PHLDB2: variants seen among roughly 807,000 people sequenced by gnomAD.
PHLDB2 encodes pleckstrin homology like domain family B member 2.
In PHLDB2, 71 loss-of-function variants were observed where a neutral mutation model predicts 123.6. That is an observed-to-expected ratio of 0.57 (90% CI 0.47 to 0.70). The LOEUF is 0.70. Among genes scored for constraint, PHLDB2 ranks in the 30% least tolerant of loss-of-function variants. The pLI, the probability that PHLDB2 is intolerant of heterozygous loss-of-function variation, is 0.00. For synonymous variants in PHLDB2, 547 were observed against 541.6 expected, an observed-to-expected ratio of 1.01 and a Z score of -0.14; for missense variants, 1,446 against 1,519.5, an observed-to-expected ratio of 0.95 and a Z score of 0.80.
At chr3:111,919,623 C>T (rs1381832910) in intron 4 of PHLDB2, among the ~76,000 whole-genome samples, 1 of 152,222 alleles carries the variant, frequency 6.6e-6, no homozygotes, top group Non-Finnish European at 1.5e-5. Flanking sequence ...GAAATTCACA[C>T]ACGGATCAAA....
chr3:111,734,086 C>A (rs1941599262), intron 1 of PHLDB2, among the ~76,000 whole-genome samples: 1 of 152,098 alleles, frequency 6.6e-6, no homozygotes, highest in South Asian at 2.1e-4. Context: ...TAGACATAAA[C>A]CCTTGTGTGA....
intron 1 of PHLDB2, among the ~76,000 whole-genome samples, chr3:111,790,648 C>T (rs976560631): frequency 6.6e-6 from 1 of 152,090 alleles, no homozygotes; most frequent in Non-Finnish European, 1.5e-5. Context: ...ATGAGGTGAG[C>T]GCAGTGCAAG....
chr3:111,876,278 C>G (rs2065614452), intron 1 of PHLDB2, among the ~76,000 whole-genome samples: 1 of 152,072 alleles, frequency 6.6e-6, no homozygotes, highest in South Asian at 2.1e-4. Context: ...TGGCTTGACC[C>G]CTACCTGTGT....
chr3:111,961,873 A>G (rs1223896988), intron 12 of PHLDB2: 8 of 501,580 alleles, frequency 1.6e-5, no homozygotes, highest in Non-Finnish European at 2.4e-5. Flanking sequence ...ATGCCATAGG[A>G]AAGTGTCAAG....
At chr3:111,896,773 CCAAAA>C (rs1171644034) in intron 2 of PHLDB2, among the ~76,000 whole-genome samples, 2 of 148,058 alleles carry the variant, frequency 1.4e-5, no homozygotes, top group Non-Finnish European at 3.0e-5. Context: ...AAAAAAAAAT[CCAAAA>C]CAAGCATTAC....
chr3:111,966,122 A>G (rs2071733675), intron 13 of PHLDB2, among the ~76,000 whole-genome samples: 1 of 152,224 alleles, frequency 6.6e-6, no homozygotes, highest in Admixed American at 6.5e-5. Context: ...AAAGTAGCTC[A>G]TAATACATAT....
chr3:111,897,984 TA>T (rs1375238382), intron 2 of PHLDB2, among the ~76,000 whole-genome samples: 1 of 152,238 alleles, frequency 6.6e-6, no homozygotes. Context: ...GCATTATGTA[TA>T]AAAATGTACA....
chr3:111,918,665 C>T (rs1334247339), intron 3 of PHLDB2, among the ~76,000 whole-genome samples: 3 of 152,208 alleles, frequency 2.0e-5, no homozygotes, highest in Admixed American at 6.5e-5. Flanking sequence ...TTGTAATAAC[C>T]ATAGCATCAT....
chr3:111,955,339 T>C (rs955867069), intron 12 of PHLDB2, among the ~76,000 whole-genome samples: 5 of 152,268 alleles, frequency 3.3e-5, no homozygotes, highest in Non-Finnish European at 7.4e-5. Flanking sequence ...GCTAAACATA[T>C]TCTTTTGATG....
chr3:111,754,618 T>C (rs1272398496), intron 1 of PHLDB2, among the ~76,000 whole-genome samples: 2 of 138,210 alleles, frequency 1.4e-5, no homozygotes, highest in African/African-American at 5.6e-5. Context: ...TGACTTCCTC[T>C]TTTCCTAATT....
intron 1 of PHLDB2, among the ~76,000 whole-genome samples, chr3:111,875,896 GGTAA>G (rs1328039730): frequency 3.3e-5 from 5 of 151,674 alleles, no homozygotes; most frequent in Non-Finnish European, 4.4e-5. Flanking sequence ...AGTATTTTAT[GGTAA>G]GTGAGTTTTT....
intron 2 of PHLDB2, among the ~76,000 whole-genome samples, chr3:111,893,424 G>A (rs986357349): frequency 6.6e-6 from 1 of 152,022 alleles, no homozygotes; most frequent in African/African-American, 2.4e-5. Flanking sequence ...AATTGCAGAT[G>A]GTGTGAGAGG....
chr3:111,836,166 G>C (rs911035257), intron 1 of PHLDB2, among the ~76,000 whole-genome samples: 1 of 152,162 alleles, frequency 6.6e-6, no homozygotes, highest in African/African-American at 2.4e-5. Flanking sequence ...TAAAACAGCT[G>C]CTGGAGACTA....
Position 111,962,294 on chromosome 3 carries a change from C to A in PHLDB2, c.3059C>A (p.Ser1020Ter). ...ATGGAGACCAGCATCTCTGCTTGCTCACCAGACAACATCTCTAGGTAAGAT... is the reference window on the plus strand; with the variant it reads ...ATGGAGACCAGCATCTCTGCTTGCTAACCAGACAACATCTCTAGGTAAGAT... ...DSMETSISACSPDNISSASTS... is the reference protein window; with the variant it reads ...DSMETSISAC The change falls in exon 13 of 18, where the codon TCA becomes TAA. Residue 1020 changes from serine (S) to a stop codon, truncating the protein, a stop_gained. Coordinates refer to ENST00000431670, the MANE Select transcript of PHLDB2 (RefSeq NM_001134438.2). LOFTEE classifies it high-confidence loss of function. The A allele has an allele frequency of 6.3e-7, 1 of 1,588,750 alleles. No individual in the cohort carries two copies. Among genetic ancestry groups the A allele is most frequent in the South Asian group, 1.2e-5 (1 of 85,234 alleles).
At chr3:111,854,603 C>T (rs935686142), upstream of PHLDB2, among the ~76,000 whole-genome samples, 3 of 152,050 alleles carry the variant, frequency 2.0e-5, no homozygotes, top group Admixed American at 6.6e-5. Flanking sequence ...CAAATCCAAC[C>T]GATCTTTTCT....
chr3:111,811,722 G>C (rs78460621), intron 1 of PHLDB2, among the ~76,000 whole-genome samples: 9,764 of 152,040 alleles, frequency 0.064, 426 homozygotes, highest in South Asian at 0.16. Context: ...CTATAATTCT[G>C]TTTTTAAGGT....
intron 1 of PHLDB2, among the ~76,000 whole-genome samples, chr3:111,871,426 T>C (rs2065331470): frequency 6.6e-6 from 1 of 152,130 alleles, no homozygotes. Flanking sequence ...GGCAGGTGGA[T>C]TACTTGAGCC....
intron 1 of PHLDB2, among the ~76,000 whole-genome samples, chr3:111,825,286 G>A (rs1424022939): frequency 6.6e-6 from 1 of 152,190 alleles, no homozygotes; most frequent in Non-Finnish European, 1.5e-5. Context: ...GGTGATATAT[G>A]AAGATTATTA....
intron 1 of PHLDB2, among the ~76,000 whole-genome samples, chr3:111,733,133 A>G (rs1941558912): frequency 6.6e-6 from 1 of 152,166 alleles, no homozygotes; most frequent in Non-Finnish European, 1.5e-5. Flanking sequence ...ATATATTCCG[A>G]GAAATATACT....
Sources: gnomAD v4.1 joint callset for allele counts (sites outside exome capture counted in the v4.1 genomes callset) on GRCh38, gnomAD v4.1.1 for gene constraint, MANE v1.5 for transcripts, NCBI Gene and HGNC (gene_info 2026-07-23, HGNC 2026-07-21) for gene names.